AFF3: variants seen among roughly 807,000 people sequenced by gnomAD.
AFF3 encodes the protein ALF transcription elongation factor 3, also known as AF4/FMR2 family member 3.
Under a neutral mutation model 129.7 loss-of-function variants are expected in AFF3, and 32 were observed. The observed-to-expected ratio is 0.25, with a 90% CI of 0.19 to 0.33. The LOEUF is 0.33. AFF3 is among the 10% of genes least tolerant of loss of function. AFF3 has a pLI of 1.00. For synonymous variants in AFF3, 644 were observed against 635.4 expected (o/e 1.01, Z -0.20); for missense variants, 1,373 against 1,592.0 (o/e 0.86, Z 2.34).
At chr2:99,610,275 G>A (rs909025896) in intron 13 of AFF3, among the ~76,000 whole-genome samples, 1 of 152,076 alleles carries the variant, frequency 6.6e-6, no homozygotes. Flanking sequence ...GAGCATTCAC[G>A]CCGACCTCTG....
intron 11 of AFF3, among the ~76,000 whole-genome samples, chr2:99,672,821 A>T (rs139217293): frequency 1.5e-3 from 236 of 152,278 alleles, no homozygotes; most frequent in Non-Finnish European, 2.7e-3. Context: ...ATCAGCTAAG[A>T]CGGGCAGCTT....
chr2:99,965,403 T>C (rs1677649155), intron 7 of AFF3, among the ~76,000 whole-genome samples: 3 of 152,218 alleles, frequency 2.0e-5, no homozygotes, highest in Non-Finnish European at 4.4e-5. Context: ...CACAAAATTG[T>C]ATTCATTGGA....
At chr2:100,065,823 T>A (rs971741920) in intron 4 of AFF3, among the ~76,000 whole-genome samples, 1 of 152,214 alleles carries the variant, frequency 6.6e-6, no homozygotes, top group Non-Finnish European at 1.5e-5. Flanking sequence ...TGCATTATCT[T>A]CAAGTAGTTT....
Position 99,839,122 on chromosome 2 carries a change from T to C in AFF3, c.874-1598A>G, listed in dbSNP as rs183362064. Among the ~76,000 whole-genome samples the C allele has an allele frequency of 5.3e-3, 800 of 152,278 alleles. 5 individuals carry two copies. Among genetic ancestry groups the C allele is most frequent in the Non-Finnish European group, 9.4e-3 (637 of 68,020 alleles). ...ATGGTAATCTCTGTTTTAACTTTTTTTTTTGAGACCGAGTTTCGCTCTTGT... is the reference window on the plus strand; with the variant it reads ...ATGGTAATCTCTGTTTTAACTTTTTCTTTTGAGACCGAGTTTCGCTCTTGT... On this transcript the variant is annotated intron_variant, in intron 7 of 24. Transcript: ENST00000672756.
chr2:100,007,697 G>A (rs1682101502), intron 5 of AFF3: 1 of 515,350 alleles, frequency 1.9e-6, no homozygotes, highest in Non-Finnish European at 3.5e-6. Flanking sequence ...CCGGCCGGGC[G>A]CGGTGGCTGG....
chr2:99,644,276 C>A (rs1439335346), intron 13 of AFF3, among the ~76,000 whole-genome samples: 1 of 152,166 alleles, frequency 6.6e-6, no homozygotes, highest in Non-Finnish European at 1.5e-5. Context: ...CACAATTTAA[C>A]CACATGGCTA....
At chr2:100,077,177 A>G (rs1688648268) in intron 4 of AFF3, among the ~76,000 whole-genome samples, 1 of 152,096 alleles carries the variant, frequency 6.6e-6, no homozygotes, top group Non-Finnish European at 1.5e-5. Context: ...AGAACCCAGG[A>G]GACAGAGGTT....
At chr2:99,869,250 G>A (rs190328373) in intron 7 of AFF3, among the ~76,000 whole-genome samples, 1 of 152,034 alleles carries the variant, frequency 6.6e-6, no homozygotes, top group African/African-American at 2.4e-5. Flanking sequence ...AGAAATGGAC[G>A]GGATTTGCAA....
chr2:100,138,335 G>T (rs1423154619), intron 1 of AFF3, among the ~76,000 whole-genome samples: 1 of 152,180 alleles, frequency 6.6e-6, no homozygotes, highest in Non-Finnish European at 1.5e-5. Context: ...GGGGACAATT[G>T]AGGTCATATC....
At chr2:99,638,737 T>G (rs1235543617) in intron 13 of AFF3, among the ~76,000 whole-genome samples, 1 of 152,242 alleles carries the variant, frequency 6.6e-6, no homozygotes, top group African/African-American at 2.4e-5. Flanking sequence ...AACTGGCATC[T>G]GCAGGATGTT....
chr2:99,593,070 CA>C (rs1678878486), intron 15 of AFF3, 124 bp downstream of exon 15: 3 of 1,154,880 alleles, frequency 2.6e-6, no homozygotes, highest in South Asian at 3.3e-5. Context: ...TAAGGACACA[CA>C]AAACTCCTGC....
chr2:99,619,725 C>T (rs553715991), intron 13 of AFF3, among the ~76,000 whole-genome samples: 13 of 152,234 alleles, frequency 8.5e-5, no homozygotes, highest in African/African-American at 2.4e-4. Flanking sequence ...TAGGTGGATT[C>T]GCCTCACTCC....
At chr2:99,836,464 A>T (rs1688881898) in intron 8 of AFF3, among the ~76,000 whole-genome samples, 1 of 152,132 alleles carries the variant, frequency 6.6e-6, no homozygotes, top group Non-Finnish European at 1.5e-5. Context: ...TTCTCTATAA[A>T]TCTCTGCCAG....
At chr2:99,663,107 G>A (rs1462977951) in intron 12 of AFF3, among the ~76,000 whole-genome samples, 1 of 152,188 alleles carries the variant, frequency 6.6e-6, no homozygotes, top group East Asian at 1.9e-4. Context: ...GTTACTGATT[G>A]ACATGTACTG....
chr2:99,954,287 G>T (rs61367118), intron 7 of AFF3, among the ~76,000 whole-genome samples: 3,170 of 152,110 alleles, frequency 0.021, 113 homozygotes, highest in African/African-American at 0.073. Flanking sequence ...CATTGTTTGG[G>T]TTTTTCTATC....
At chr2:99,719,020 G>A (rs1287616328) in intron 11 of AFF3, among the ~76,000 whole-genome samples, 1 of 149,630 alleles carries the variant, frequency 6.7e-6, no homozygotes, top group African/African-American at 2.5e-5. Context: ...CAAAGTGCTG[G>A]GATTATAGGT....
intron 8 of AFF3, among the ~76,000 whole-genome samples, chr2:99,793,766 A>G (rs1685371585): frequency 1.3e-5 from 2 of 152,048 alleles, no homozygotes; most frequent in South Asian, 4.1e-4. Flanking sequence ...TCCATTTTCT[A>G]TTTTTAATGA....
rs34170229 is a variant in AFF3, at chr2:100,006,824, G to A, written c.681C>T (p.Val227=). 2.5e-3 allele frequency: 4,041 copies of A among 1,614,188 alleles called. 95 individuals carry two copies. The African/African-American group carries it at 0.048, about 19-fold the overall frequency. ...TCACATACGCGGTCGGTTTCTGCTG[G>A]ACCAGGCTGGGTTTTGAAGCTAGGG... The part of the protein sequence containing the change: ...PPSLASKPSL[V]QQKPTAYVRP... Residue 227 remains valine, a synonymous_variant, in exon 7 of 25, where the codon GTC becomes GTT. Transcript: ENST00000672756.
chr2:99,618,354 G>GCT (rs887817698), intron 13 of AFF3, among the ~76,000 whole-genome samples: 2 of 143,516 alleles, frequency 1.4e-5, no homozygotes, highest in African/African-American at 5.2e-5. Context: ...TCCTTCCTCA[G>GCT]CTTCCTGAGT....
Sources: gnomAD v4.1 joint callset for allele counts (sites outside exome capture counted in the v4.1 genomes callset) on GRCh38, gnomAD v4.1.1 for gene constraint, MANE v1.5 for transcripts, NCBI Gene and HGNC (gene_info 2026-07-23, HGNC 2026-07-21) for gene names.